Variants in UBE2E2 observed in about 807,000 individuals in gnomAD.
UBE2E2 encodes the protein ubiquitin-conjugating enzyme E2 E2.
Under a neutral mutation model 24.7 loss-of-function variants are expected in UBE2E2, and 6 were observed. That is an observed-to-expected ratio of 0.24 (90% CI 0.13 to 0.48). The LOEUF (loss-of-function observed/expected upper bound fraction) is 0.48, where lower values mean the gene tolerates loss of function less well. UBE2E2 is among the 20% of genes least tolerant of loss of function. The pLI, the probability that UBE2E2 is intolerant of heterozygous loss-of-function variation, is 0.99. For synonymous variants in UBE2E2, 104 were observed against 83.6 expected, an observed-to-expected ratio of 1.24 and a Z score of -1.33; for missense variants, 169 against 245.0, an observed-to-expected ratio of 0.69 and a Z score of 2.07.
intron 5 of UBE2E2, among the ~76,000 whole-genome samples, chr3:23,582,894 T>TGTGTGTGTGTGTGG (rs1553622746): frequency 1.8e-5 from 2 of 112,884 alleles, no homozygotes; most frequent in African/African-American, 7.4e-5. Flanking sequence ...TGTGTGTGTG[T>TGTGTGTGTGTGTGG]TGTGTGTTTG....
intron 3 of UBE2E2, among the ~76,000 whole-genome samples, chr3:23,389,180 A>G (rs1021366234): frequency 6.6e-6 from 1 of 152,132 alleles, no homozygotes; most frequent in African/African-American, 2.4e-5. Context: ...TTTGTCATAA[A>G]TAAAAAGAGT....
chr3:23,275,903 C>G (rs1472208898), intron 3 of UBE2E2, among the ~76,000 whole-genome samples: 1 of 151,966 alleles, frequency 6.6e-6, no homozygotes, highest in African/African-American at 2.4e-5. Flanking sequence ...TGAATTTGAG[C>G]TTCTCTCTAT....
At chr3:23,525,905 A>G (rs1346412488) in intron 4 of UBE2E2, among the ~76,000 whole-genome samples, 4 of 152,166 alleles carry the variant, frequency 2.6e-5, no homozygotes, top group African/African-American at 9.7e-5. Context: ...GCAGTTGCAA[A>G]TTCTTTGCTA....
intron 5 of UBE2E2, among the ~76,000 whole-genome samples, chr3:23,551,838 C>A (rs1443219708): frequency 6.6e-6 from 1 of 152,082 alleles, no homozygotes; most frequent in Admixed American, 6.6e-5. Context: ...CTGTGTTCTC[C>A]CCAAAATTAA....
chr3:23,248,099 C>T (rs1697465570), intron 3 of UBE2E2, among the ~76,000 whole-genome samples: 1 of 151,976 alleles, frequency 6.6e-6, no homozygotes, highest in African/African-American at 2.4e-5. Context: ...AAGTGTAGAT[C>T]ATGATGCCCA....
At chr3:23,484,236 C>G (rs1699314431) in intron 3 of UBE2E2, among the ~76,000 whole-genome samples, 1 of 152,188 alleles carries the variant, frequency 6.6e-6, no homozygotes, top group South Asian at 2.1e-4. Flanking sequence ...CCTTTCCAGC[C>G]CAGCTTAATT....
chr3:23,455,196 A>G (rs376154098), intron 3 of UBE2E2, among the ~76,000 whole-genome samples: 3 of 152,214 alleles, frequency 2.0e-5, no homozygotes, highest in South Asian at 2.1e-4. Context: ...CTACCTGTCA[A>G]TAGGAAATGC....
chr3:23,205,437 C>T (rs747737884), intron 1 of UBE2E2, among the ~76,000 whole-genome samples: 11 of 152,266 alleles, frequency 7.2e-5, no homozygotes, highest in Non-Finnish European at 1.3e-4. Context: ...ATCAAGTTTA[C>T]ACTTACGACT....
chr3:23,558,763 T>C (rs1695849630), intron 5 of UBE2E2, among the ~76,000 whole-genome samples: 1 of 152,168 alleles, frequency 6.6e-6, no homozygotes, highest in Non-Finnish European at 1.5e-5. Flanking sequence ...AATCTGTTCA[T>C]CTCAGTGTTA....
At chr3:23,394,815 A>G (rs969761596) in intron 3 of UBE2E2, among the ~76,000 whole-genome samples, 5 of 151,864 alleles carry the variant, frequency 3.3e-5, no homozygotes, top group African/African-American at 1.2e-4. Context: ...AAGGTGTTCT[A>G]CCTTTGAATA....
chr3:23,344,515 T>A (rs532006870), intron 3 of UBE2E2, among the ~76,000 whole-genome samples: 1 of 152,058 alleles, frequency 6.6e-6, no homozygotes, highest in Non-Finnish European at 1.5e-5. Context: ...TTTTCCACTT[T>A]CCAGTCTCTC....
intron 3 of UBE2E2, among the ~76,000 whole-genome samples, chr3:23,270,031 G>T (rs1249777733): frequency 6.6e-6 from 1 of 151,960 alleles, no homozygotes. Context: ...CCTTGTCCTG[G>T]TGCAGGCCCC....
chr3:23,246,948 C>T (rs1473168892), intron 3 of UBE2E2, among the ~76,000 whole-genome samples: 1 of 152,128 alleles, frequency 6.6e-6, no homozygotes, highest in Non-Finnish European at 1.5e-5. Context: ...CTCCTGAGCT[C>T]AAGGGTTCTT....
At chr3:23,567,379 T>C (rs1012161075) in intron 5 of UBE2E2, among the ~76,000 whole-genome samples, 2 of 152,200 alleles carry the variant, frequency 1.3e-5, no homozygotes, top group Non-Finnish European at 2.9e-5. Context: ...CAACAGTATG[T>C]TCGAGTTCAG....
At chr3:23,379,247 ATT>A (rs149180630) in intron 3 of UBE2E2, among the ~76,000 whole-genome samples, 8 of 149,576 alleles carry the variant, frequency 5.3e-5, no homozygotes, top group Non-Finnish European at 8.9e-5. Flanking sequence ...TTTTTATTTT[ATT>A]TTTTTTTATT....
chr3:23,299,588 A>G (rs1192889894), intron 3 of UBE2E2, among the ~76,000 whole-genome samples: 1 of 151,946 alleles, frequency 6.6e-6, no homozygotes, highest in Non-Finnish European at 1.5e-5. Flanking sequence ...ATGTAGTTGC[A>G]CGGTTTTGAG....
intron 3 of UBE2E2, among the ~76,000 whole-genome samples, chr3:23,447,255 G>C (rs1414442267): frequency 1.3e-5 from 2 of 152,130 alleles, no homozygotes; most frequent in Admixed American, 1.3e-4. Flanking sequence ...TCACATATTA[G>C]GTGATTAATA....
intron 3 of UBE2E2, among the ~76,000 whole-genome samples, chr3:23,229,036 TCTC>T (rs1312537587): frequency 1.3e-5 from 2 of 152,092 alleles, no homozygotes; most frequent in African/African-American, 2.4e-5. Flanking sequence ...TACCATCACT[TCTC>T]CTGATGCTTC....
intron 3 of UBE2E2, among the ~76,000 whole-genome samples, chr3:23,353,812 C>G (rs1310449962): frequency 7.3e-6 from 1 of 137,264 alleles, no homozygotes. Flanking sequence ...CCATACTGTC[C>G]AAGGTAATTT....
Sources: gnomAD v4.1 joint callset for allele counts (sites outside exome capture counted in the v4.1 genomes callset) on GRCh38, gnomAD v4.1.1 for gene constraint, MANE v1.5 for transcripts, NCBI Gene and HGNC (gene_info 2026-07-23, HGNC 2026-07-21) for gene names.